MAGI2: variants seen among roughly 807,000 people sequenced by gnomAD.
MAGI2 encodes the protein membrane associated guanylate kinase, WW and PDZ domain containing 2, also known as membrane-associated guanylate kinase, WW and PDZ domain-containing protein 2.
MAGI2 carries 35 observed loss-of-function variants against 133.3 expected under a neutral mutation model. That is an observed-to-expected ratio of 0.26 (90% confidence interval 0.20 to 0.35). The LOEUF is 0.35. Ranked by LOEUF, MAGI2 falls within the 10% of genes least tolerant of loss-of-function variation. MAGI2 has a pLI of 1.00. For synonymous variants in MAGI2, 729 were observed against 710.6 expected, an observed-to-expected ratio of 1.03 and a Z score of -0.41; for missense variants, 1,636 against 1,863.4, an observed-to-expected ratio of 0.88 and a Z score of 2.25.
intron 2 of MAGI2, among the ~76,000 whole-genome samples, chr7:78,930,146 C>A (rs1800003121): frequency 6.6e-6 from 1 of 152,052 alleles, no homozygotes; most frequent in African/African-American, 2.4e-5. Context: ...ATGAAATTTT[C>A]ATGATCACAA....
At chr7:78,573,494 TCTC>T (rs1195478205) in intron 3 of MAGI2, among the ~76,000 whole-genome samples, 1 of 136,486 alleles carries the variant, frequency 7.3e-6, no homozygotes, top group Non-Finnish European at 1.5e-5. Context: ...TGCAGAGCCT[TCTC>T]CTCCTCTGGG....
At chr7:78,732,130 G>A (rs909628703) in intron 2 of MAGI2, among the ~76,000 whole-genome samples, 1 of 152,168 alleles carries the variant, frequency 6.6e-6, no homozygotes, top group African/African-American at 2.4e-5. Context: ...CTGTTAGGAA[G>A]AGCACCTCCA....
intron 2 of MAGI2, among the ~76,000 whole-genome samples, chr7:78,830,674 AT>A (rs1791066821): frequency 6.6e-6 from 1 of 152,184 alleles, no homozygotes; most frequent in South Asian, 2.1e-4. Context: ...ATGAAAAAAA[AT>A]GGGAGTGAGG....
intron 2 of MAGI2, among the ~76,000 whole-genome samples, chr7:79,006,435 G>A (rs1584650962): frequency 6.6e-6 from 1 of 152,254 alleles, no homozygotes; most frequent in Middle Eastern, 3.4e-3. Context: ...TTGTCTTAAA[G>A]TTAATAGAGG....
chr7:78,287,967 C>T (rs923214557), intron 9 of MAGI2, among the ~76,000 whole-genome samples: 1 of 152,134 alleles, frequency 6.6e-6, no homozygotes, highest in Admixed American at 6.6e-5. Flanking sequence ...ATGTTCTAGA[C>T]TTAACAAAGG....
At chr7:78,380,227 A>G (rs2151289748) in intron 6 of MAGI2, among the ~76,000 whole-genome samples, 1 of 152,164 alleles carries the variant, frequency 6.6e-6, no homozygotes, top group South Asian at 2.1e-4. Flanking sequence ...TTTTTTTAAA[A>G]AAGCAAAATA....
intron 6 of MAGI2, among the ~76,000 whole-genome samples, chr7:78,399,452 C>T (rs1244528840): frequency 3.9e-5 from 6 of 152,144 alleles, no homozygotes; most frequent in African/African-American, 1.4e-4. Flanking sequence ...TGTTGATATT[C>T]TGGTAAGAAG....
chr7:78,549,326 A>G (rs981168353), intron 3 of MAGI2, among the ~76,000 whole-genome samples: 2 of 152,042 alleles, frequency 1.3e-5, no homozygotes, highest in African/African-American at 4.8e-5. Flanking sequence ...ACCATAGTGG[A>G]TCAAGACAAA....
At chr7:78,824,122 C>T (rs1790413112) in intron 2 of MAGI2, among the ~76,000 whole-genome samples, 1 of 152,078 alleles carries the variant, frequency 6.6e-6, no homozygotes, top group African/African-American at 2.4e-5. Context: ...TGTAAAGTGC[C>T]TGCTGGATGT....
At chr7:78,501,045 G>A (rs1014309072) in intron 5 of MAGI2, among the ~76,000 whole-genome samples, 6 of 152,192 alleles carry the variant, frequency 3.9e-5, no homozygotes, top group East Asian at 1.9e-4. Flanking sequence ...CCGTGATTGT[G>A]CCACTGCATT....
intron 20 of MAGI2, 152 bp from the exon 21 acceptor site, chr7:78,079,237 C>A: frequency 1.4e-6 from 1 of 724,904 alleles, no homozygotes; most frequent in Non-Finnish European, 2.4e-6. Flanking sequence ...TATTCCCTGG[C>A]TGCATCCTGA....
intron 1 of MAGI2, among the ~76,000 whole-genome samples, chr7:79,144,991 A>G (rs1822480827): frequency 6.6e-6 from 1 of 152,150 alleles, no homozygotes; most frequent in Non-Finnish European, 1.5e-5. Context: ...TTTGGTTTCT[A>G]TGGAAATGAA....
intron 3 of MAGI2, among the ~76,000 whole-genome samples, chr7:78,557,080 C>CAAAAAAAAAAAA (rs796371005): frequency 0.039 from 1,586 of 40,788 alleles, 118 homozygotes; most frequent in Non-Finnish European, 0.054. Context: ...GGCAGAGTCT[C>CAAAAAAAAAAAA]AAAAAAAAAA....
chr7:79,448,707 T>C (rs760699147), intron 1 of MAGI2, among the ~76,000 whole-genome samples: 1 of 152,258 alleles, frequency 6.6e-6, no homozygotes, highest in East Asian at 1.9e-4. Context: ...AGTCATTAAT[T>C]AAACTATAAT....
intron 1 of MAGI2, among the ~76,000 whole-genome samples, chr7:79,170,989 T>C (rs1479280200): frequency 6.6e-6 from 1 of 152,118 alleles, no homozygotes; most frequent in East Asian, 1.9e-4. Context: ...ACAACATATA[T>C]CATAAACTAT....
intron 2 of MAGI2, among the ~76,000 whole-genome samples, chr7:78,916,313 A>G (rs1798791267): frequency 6.6e-6 from 1 of 152,124 alleles, no homozygotes; most frequent in Non-Finnish European, 1.5e-5. Flanking sequence ...ATAAATGTAA[A>G]TTAGAACTCT....
intron 9 of MAGI2, among the ~76,000 whole-genome samples, chr7:78,333,022 C>A (rs1277989435): frequency 6.6e-6 from 1 of 152,102 alleles, no homozygotes; most frequent in East Asian, 1.9e-4. Context: ...TCTAAACAGG[C>A]AAAATGATGT....
chr7:78,141,724 G>A (rs923408413), intron 16 of MAGI2, among the ~76,000 whole-genome samples: 3 of 152,112 alleles, frequency 2.0e-5, no homozygotes, highest in African/African-American at 7.2e-5. Context: ...CAGCACCCAT[G>A]AGTCATTCTC....
At chr7:79,387,094 T>TGTGTGTGTGTGTGTG (rs1844236781) in intron 1 of MAGI2, among the ~76,000 whole-genome samples, 4 of 141,506 alleles carry the variant, frequency 2.8e-5, no homozygotes, top group Non-Finnish European at 6.1e-5. Flanking sequence ...ATTTTTATGC[T>TGTGTGTGTGTGTGTG]TGTGTGTGTG....
Sources: allele counts gnomAD v4.1 joint callset (sites outside exome capture counted in the v4.1 genomes callset), GRCh38; gene constraint gnomAD v4.1.1; transcripts MANE v1.5; gene names NCBI Gene and HGNC (gene_info 2026-07-23, HGNC 2026-07-21).